The following DIP2A variants were observed in gnomAD, a reference collection of about 807,000 sequenced individuals.
The protein encoded by DIP2A is DIP2 acetate--CoA ligase A, also known as disco-interacting protein 2 homolog A.
DIP2A carries 85 observed loss-of-function variants against 177.4 expected under a neutral mutation model. The observed-to-expected ratio is 0.48, with a 90% CI of 0.40 to 0.57. DIP2A has a LOEUF of 0.57. Among genes scored for constraint, DIP2A ranks in the 20% least tolerant of loss-of-function variants. The probability of loss-of-function intolerance (pLI) is 0.00; values close to 1 mark genes in which losing one functional copy is unlikely to be tolerated. For synonymous variants in DIP2A, 886 were observed against 881.8 expected, an observed-to-expected ratio of 1.00 and a Z score of -0.08; for missense variants, 1,791 against 2,100.2, an observed-to-expected ratio of 0.85 and a Z score of 2.88.
intron 31 of DIP2A, among the ~76,000 whole-genome samples, 157 bp from the exon 32 acceptor site, chr21:46,558,066 C>T (rs2060529932): frequency 6.6e-6 from 1 of 152,194 alleles, no homozygotes; most frequent in African/African-American, 2.4e-5. Context: ...AGCGCATCCA[C>T]ACGTAGGATT....
chr21:46,551,941 C>G, intron 25 of DIP2A, 37 bp downstream of exon 25: 6 of 1,560,096 alleles, frequency 3.8e-6, no homozygotes, highest in Non-Finnish European at 5.2e-6. Context: ...TTGGAAACAC[C>G]TGTGGGCCGG....
intron 2 of DIP2A, among the ~76,000 whole-genome samples, chr21:46,489,992 G>A (rs1028527914): frequency 3.3e-5 from 5 of 152,164 alleles, no homozygotes; most frequent in African/African-American, 1.2e-4. Flanking sequence ...ATTTGGAGGC[G>A]GAGCAAGTGG....
intron 9 of DIP2A, among the ~76,000 whole-genome samples, chr21:46,530,634 A>G (rs753574754): frequency 2.0e-5 from 3 of 152,218 alleles, no homozygotes; most frequent in African/African-American, 7.2e-5. Flanking sequence ...ACAACACCTG[A>G]CTGATAACTG....
chr21:46,479,656 G>C (rs995056276), intron 1 of DIP2A, among the ~76,000 whole-genome samples: 12 of 152,264 alleles, frequency 7.9e-5, no homozygotes, highest in African/African-American at 2.6e-4. Flanking sequence ...CTCCCTAGTA[G>C]CTTAGGACTA....
rs1255383127 is a variant in DIP2A, at chr21:46,507,718, T to A, written c.785-1539T>A. The stretch of plus-strand genomic sequence containing the variant: ...TTTTTTTTTTTTTTTTTTTTTTTTT[T>A]AAGACAAAGTCTTGCTCTGTCACCC... On this transcript the variant is annotated intron_variant, in intron 6 of 37. Coordinates refer to ENST00000417564, the MANE Select transcript of DIP2A (RefSeq NM_015151.4). Among the ~76,000 whole-genome samples the A allele has an allele frequency of 7.6e-5, 6 of 78,948 alleles. No individual in the cohort carries two copies. In the South Asian group the frequency reaches 1.1e-3, roughly 15 times the overall value. The allele number at this position is 78,948 out of a possible 152,430, so 51.8% of individuals were successfully genotyped here. A position where few individuals can be genotyped will look rare whatever the true frequency, so the allele number is the denominator to read the frequency against.
rs2060496317 is a variant in DIP2A, at chr21:46,557,117, G to A, written c.3629+48G>A. 1 of 1,548,554 alleles carries A rather than the reference G, an allele frequency of 6.5e-7. No homozygotes were observed. Among genetic ancestry groups the A allele is most frequent in the Non-Finnish European group, 8.8e-7 (1 of 1,142,032 alleles). On this transcript the variant is annotated intron_variant, in intron 30 of 37. Transcript: ENST00000417564. This position sits in a 1 kb window ranked among gnomAD's most constrained non-coding sequence, Gnocchi z 6.0. Reference sequence around the variant, plus strand: ...CTGCCAGGTGGGAGCAGCTCGTGTGGCTCTTAGGAACCTTGGCCTTCTAAG... The same window carrying A: ...CTGCCAGGTGGGAGCAGCTCGTGTGACTCTTAGGAACCTTGGCCTTCTAAG...
At chr21:46,554,786 G>GGGGGGGGGGGGGGCCCCCCCCCCCCCC in intron 27 of DIP2A, 36 bp from the exon 28 acceptor site, 1 of 1,519,124 alleles carries the variant, frequency 6.6e-7, no homozygotes, top group Non-Finnish European at 8.8e-7. Context: ...AGCTTGAGAG[G>GGGGGGGGGGGGGGCCCCCCCCCCCCCC]CCCCGCCCAC....
chr21:46,551,310 G>A (rs1156688554), intron 23 of DIP2A, among the ~76,000 whole-genome samples: 1 of 152,034 alleles, frequency 6.6e-6, no homozygotes, highest in African/African-American at 2.4e-5. Context: ...CATTTCATCA[G>A]GAAGATTTAA....
At chr21:46,506,748 CTTTCTTTCTTTCTTTCTTTCTTTCT>C (rs1568994463) in intron 6 of DIP2A, among the ~76,000 whole-genome samples, 2 of 109,042 alleles carry the variant, frequency 1.8e-5, no homozygotes, top group Non-Finnish European at 3.9e-5. Flanking sequence ...TTCTTTCTTT[CTTTCTTTCTTTCTTTCTTTCTTTCT>C]TTTCTTTTCT....
intron 13 of DIP2A, 84 bp downstream of exon 13, chr21:46,534,771 C>T (rs926248214): frequency 3.4e-6 from 4 of 1,175,702 alleles, no homozygotes; most frequent in Admixed American, 2.1e-5. Context: ...TGTCACTGCA[C>T]CTGTCAAAAC....
chr21:46,541,760 C>A lies in DIP2A; in HGVS notation c.2041C>A (p.Pro681Thr). The A allele has an allele frequency of 6.2e-7, 1 of 1,613,890 alleles. No homozygotes were observed. Among genetic ancestry groups the A allele is most frequent in the South Asian group, 1.1e-5 (1 of 91,074 alleles). The change falls in exon 18 of 38, where the codon CCT (proline) becomes ACT (threonine). Residue 681 changes from proline to threonine, a missense_variant. Pro to Thr is a conservative substitution (Grantham distance 38). Transcript: ENST00000417564. ...CATGGTGGTTTTATTTTCTAGGCCA[C>A]CTGATCTGGGAGGACCACCTCCAAG... is the stretch of plus-strand genomic sequence containing the variant. ...EALTVAIRRP[P>T]DLGGPPPRKA... is the part of the protein sequence containing the mutation.
At chr21:46,467,283 G>A (rs889639805) in intron 1 of DIP2A, among the ~76,000 whole-genome samples, 5 of 134,724 alleles carry the variant, frequency 3.7e-5, no homozygotes, top group Middle Eastern at 8.8e-3. Context: ...GCTACAGAGC[G>A]AGACTCCGTC....
chr21:46,461,466 G>T (rs2148211867), intron 1 of DIP2A, among the ~76,000 whole-genome samples: 1 of 152,058 alleles, frequency 6.6e-6, no homozygotes, highest in South Asian at 2.1e-4. Context: ...ACATATTTTT[G>T]CGTATTGCTC....
Position 46,537,431 on chromosome 21 carries a change from T to C in DIP2A, c.1708-15T>C, listed in dbSNP as rs779225952. The C allele has an allele frequency of 6.2e-7, 1 of 1,613,964 alleles. No homozygotes were observed. The highest frequency in any genetic ancestry group is 2.2e-5 in the East Asian group (1 of 44,876). On this transcript the variant is annotated splice_polypyrimidine_tract_variant and intron_variant, in intron 14 of 37. Transcript: ENST00000417564. This position sits in a 1 kb window ranked among gnomAD's most constrained non-coding sequence, Gnocchi z 4.1. Reference sequence around the variant, plus strand: ...CTCGGGCCCACTCGCCCTAAGCATGTGTGCTCCCCCACAGAGCGTCATGAA... The same window carrying C: ...CTCGGGCCCACTCGCCCTAAGCATGCGTGCTCCCCCACAGAGCGTCATGAA...
intron 1 of DIP2A, among the ~76,000 whole-genome samples, chr21:46,473,458 G>C (rs1601374628): frequency 7.7e-6 from 1 of 129,618 alleles, no homozygotes; most frequent in African/African-American, 2.8e-5. Flanking sequence ...ATGTCTCAGG[G>C]AAAAAAAAAG....
At chr21:46,471,813 C>G (rs887304295) in intron 1 of DIP2A, among the ~76,000 whole-genome samples, 1 of 152,110 alleles carries the variant, frequency 6.6e-6, no homozygotes, top group African/African-American at 2.4e-5. Context: ...AGTGATCATG[C>G]GGGGGTTTCC....
chr21:46,467,715 T>A (rs2839267), intron 1 of DIP2A, among the ~76,000 whole-genome samples: 112,063 of 152,014 alleles, frequency 0.74, 41,434 homozygotes, highest in Middle Eastern at 0.8. Context: ...ATTATTCATG[T>A]TTCGGGAATA....
intron 20 of DIP2A, 34 bp downstream of exon 20, chr21:46,545,995 C>G (rs771950002): frequency 6.2e-7 from 1 of 1,613,792 alleles, no homozygotes; most frequent in South Asian, 1.1e-5. Flanking sequence ...CACTGGCAGT[C>G]AGAGAAGGTA....
At chr21:46,506,620 G>T (rs1766077185) in intron 6 of DIP2A, among the ~76,000 whole-genome samples, 1 of 151,924 alleles carries the variant, frequency 6.6e-6, no homozygotes, top group Non-Finnish European at 1.5e-5. Flanking sequence ...ACGGCTGATG[G>T]TGTGTTGAAC....
Sources: gnomAD v4.1 joint callset for allele counts (sites outside exome capture counted in the v4.1 genomes callset) on GRCh38, gnomAD v4.1.1 for gene constraint, Gnocchi (gnomAD v3.1) non-coding constraint, MANE v1.5 for transcripts, NCBI Gene and HGNC (gene_info 2026-07-23, HGNC 2026-07-21) for gene names.